IL1RAPL2: variants seen among roughly 807,000 people sequenced by gnomAD.
IL1RAPL2 encodes interleukin 1 receptor accessory protein like 2, also known as X-linked interleukin-1 receptor accessory protein-like 2.
A neutral mutation model predicts 44.1 loss-of-function variants in IL1RAPL2; 3 were observed. The observed-to-expected ratio is 0.07, with a 90% CI of 0.03 to 0.18. The LOEUF (loss-of-function observed/expected upper bound fraction) is 0.18, where lower values mean the gene tolerates loss of function less well. Ranked by LOEUF, IL1RAPL2 falls within the 10% of genes least tolerant of loss-of-function variation. The pLI, the probability that IL1RAPL2 is intolerant of heterozygous loss-of-function variation, is 1.00. For synonymous variants in IL1RAPL2, 181 were observed against 178.8 expected (o/e 1.01, Z -0.10); for missense variants, 391 against 496.4 (o/e 0.79, Z 2.02).
At chrX:104,677,771 A>C (rs1269193254) in intron 2 of IL1RAPL2, among the ~76,000 whole-genome samples, 1 of 111,603 alleles carries the variant, frequency 9.0e-6, no homozygotes, top group Admixed American at 9.4e-5. Context: ...AGGACCCTCC[A>C]TGCCAGTTGT....
At position 104,569,035 on chromosome X, in the gene IL1RAPL2, G is replaced by A. The variant is rs1040424316; in HGVS notation, c.-20+1984G>A. 1.1e-4 allele frequency among the ~76,000 whole-genome samples: 12 copies of A among 112,257 alleles called. 1 individual carries two copies. Among genetic ancestry groups the A allele is most frequent in the Admixed American group, 9.4e-4 (10 of 10,625 alleles). ...TGGATAAAGGGCTGTGGCATCAAAGGCTCCTGGCTTGCCCACTCTAACCTC... is the reference window on the plus strand; with the variant it reads ...TGGATAAAGGGCTGTGGCATCAAAGACTCCTGGCTTGCCCACTCTAACCTC... On this transcript the variant is annotated intron_variant, in intron 1 of 10. Transcript: ENST00000372582.
chrX:104,585,299 T>TTA (rs1365828666), intron 1 of IL1RAPL2, among the ~76,000 whole-genome samples: 295 of 22,364 alleles, frequency 0.013, 24 homozygotes, highest in African/African-American at 0.082. Context: ...ATATTATATA[T>TTA]TATATATTAT....
chrX:104,949,303 C>T (rs1277571047), intron 2 of IL1RAPL2, among the ~76,000 whole-genome samples: 1 of 111,180 alleles, frequency 9.0e-6, no homozygotes, highest in Non-Finnish European at 1.9e-5. Flanking sequence ...TTTGATTCTT[C>T]TCTCTCTTTT....
chrX:105,328,969 T>G (rs376882210), intron 5 of IL1RAPL2, among the ~76,000 whole-genome samples: 24 of 112,576 alleles, frequency 2.1e-4, no homozygotes, highest in African/African-American at 7.1e-4. Context: ...TTTCTTAGAA[T>G]GTATCCTCAT....
intron 6 of IL1RAPL2, among the ~76,000 whole-genome samples, chrX:105,539,724 G>A (rs1001539193): frequency 7.3e-5 from 8 of 109,985 alleles, no homozygotes; most frequent in African/African-American, 2.7e-4. Context: ...ACTATTAACA[G>A]TAAACAGAAA....
chrX:104,591,072 T>C (rs749876612), intron 1 of IL1RAPL2, among the ~76,000 whole-genome samples: 2 of 111,914 alleles, frequency 1.8e-5, no homozygotes, highest in African/African-American at 3.3e-5. Flanking sequence ...AAAATAAGTA[T>C]ATTCTTCAGG....
At chrX:105,406,339 T>C (rs760327035) in intron 5 of IL1RAPL2, 2 of 1,065,665 alleles carry the variant, frequency 1.9e-6, no homozygotes, top group Admixed American at 2.2e-5. Flanking sequence ...CCTTGCGTCA[T>C]GGACAGCTCA....
intron 5 of IL1RAPL2, among the ~76,000 whole-genome samples, chrX:105,281,425 TA>T (rs1389632182): frequency 8.9e-6 from 1 of 112,038 alleles, no homozygotes; most frequent in African/African-American, 3.2e-5. Context: ...AGTATAATCA[TA>T]AAAAAATACT....
At chrX:104,798,958 C>A (rs2147612201) in intron 2 of IL1RAPL2, among the ~76,000 whole-genome samples, 1 of 111,220 alleles carries the variant, frequency 9.0e-6, no homozygotes, top group Admixed American at 9.5e-5. Context: ...AGAAATATGA[C>A]ATCCAACTAA....
chrX:105,300,390 A>G (rs1327905857), intron 5 of IL1RAPL2, among the ~76,000 whole-genome samples: 1 of 110,403 alleles, frequency 9.1e-6, no homozygotes, highest in Non-Finnish European at 1.9e-5. Flanking sequence ...GAGGTGCTAC[A>G]TATTTCTAAA....
chrX:105,217,058 C>A (rs1187166032), intron 3 of IL1RAPL2, among the ~76,000 whole-genome samples: 1 of 107,584 alleles, frequency 9.3e-6, no homozygotes, highest in African/African-American at 3.4e-5. Context: ...GACTTCATGT[C>A]TAAAACACCA....
At chrX:104,836,526 C>T (rs764226199) in intron 2 of IL1RAPL2, among the ~76,000 whole-genome samples, 3 of 109,249 alleles carry the variant, frequency 2.7e-5, no homozygotes, top group East Asian at 2.9e-4. Context: ...TCATGTACCC[C>T]ATAAATATAC....
At chrX:105,476,891 T>C (rs1313153319) in intron 5 of IL1RAPL2, among the ~76,000 whole-genome samples, 1 of 112,079 alleles carries the variant, frequency 8.9e-6, no homozygotes, top group Non-Finnish European at 1.9e-5. Flanking sequence ...GCCACCCTGT[T>C]TGTTGGCTAA....
At chrX:104,915,290 T>C (rs1924383253) in intron 2 of IL1RAPL2, among the ~76,000 whole-genome samples, 1 of 110,616 alleles carries the variant, frequency 9.0e-6, no homozygotes, top group African/African-American at 3.3e-5. Context: ...TCATTGTGGT[T>C]TTGATTTGCA....
At chrX:104,672,239 A>G (rs1361387919) in intron 2 of IL1RAPL2, among the ~76,000 whole-genome samples, 2 of 111,046 alleles carry the variant, frequency 1.8e-5, no homozygotes, top group Non-Finnish European at 3.8e-5. Context: ...ATAACTCCCA[A>G]TGCTATCCCT....
intron 2 of IL1RAPL2, among the ~76,000 whole-genome samples, chrX:104,890,329 G>T (rs755507090): frequency 2.7e-5 from 3 of 111,576 alleles, no homozygotes; most frequent in South Asian, 3.8e-4. Context: ...GGGATGGCTG[G>T]GTCAAATGGT....
chrX:105,695,366 C>T (rs2038068604), intron 6 of IL1RAPL2, among the ~76,000 whole-genome samples: 1 of 111,537 alleles, frequency 9.0e-6, no homozygotes, highest in Non-Finnish European at 1.9e-5. Flanking sequence ...CCACCAAATA[C>T]AGAAGATCAT....
intron 2 of IL1RAPL2, among the ~76,000 whole-genome samples, chrX:105,131,448 C>A (rs2033025669): frequency 9.1e-6 from 1 of 109,379 alleles, no homozygotes; most frequent in African/African-American, 3.3e-5. Context: ...TGGTTGTGGA[C>A]ACTGAATTTA....
At chrX:104,744,921 C>T (rs1310965316) in intron 2 of IL1RAPL2, among the ~76,000 whole-genome samples, 6 of 110,772 alleles carry the variant, frequency 5.4e-5, no homozygotes, top group Non-Finnish European at 9.5e-5. Flanking sequence ...TCACTTATCA[C>T]CCTTGATGGG....
Sources: gnomAD v4.1 joint callset for allele counts (sites outside exome capture counted in the v4.1 genomes callset) on GRCh38, gnomAD v4.1.1 for gene constraint, MANE v1.5 for transcripts, NCBI Gene and HGNC (gene_info 2026-07-23, HGNC 2026-07-21) for gene names.